MAP2K6: variants seen among roughly 807,000 people sequenced by gnomAD.
MAP2K6 encodes dual specificity mitogen-activated protein kinase kinase 6.
A neutral mutation model predicts 53.7 loss-of-function variants in MAP2K6; 16 were observed. The ratio of observed to expected loss-of-function variants is 0.30; its 90% CI spans 0.20 to 0.45. The LOEUF is 0.45. MAP2K6 is among the 20% of genes least tolerant of loss of function. MAP2K6 has a pLI of 1.00. For synonymous variants in MAP2K6, 132 were observed against 143.1 expected, an observed-to-expected ratio of 0.92 and a Z score of 0.55; for missense variants, 204 against 411.9, an observed-to-expected ratio of 0.50 and a Z score of 4.37.
intron 1 of MAP2K6, among the ~76,000 whole-genome samples, chr17:69,493,306 T>TG (rs1491191900): frequency 1.2e-4 from 13 of 106,220 alleles, no homozygotes; most frequent in South Asian, 6.8e-4. Flanking sequence ...AGTGTATGTG[T>TG]TTGTGTGTGT....
At position 69,499,243 on chromosome 17, in the gene MAP2K6, A is replaced by AGGGAG. The variant is rs1310181527; in HGVS notation, c.17-6537_17-6536insGGGAG. On this transcript the variant is annotated intron_variant, in intron 1 of 11. Coordinates refer to ENST00000590474, the MANE Select transcript of MAP2K6 (RefSeq NM_002758.4). The stretch of plus-strand genomic sequence containing the variant: ...GGAGAATGGAGCACGGAATTTGAAG[A>AGGGAG]AATAAGATGCCATCCAGGGAACATT... Among the ~76,000 whole-genome samples the AGGGAG allele has an allele frequency of 5.3e-5, 8 of 152,348 alleles. No individual in the cohort carries two copies. The East Asian group carries it at 1.5e-3, about 29-fold the overall frequency.
At chr17:69,525,293 T>C (rs925676912) in intron 9 of MAP2K6, among the ~76,000 whole-genome samples, 1 of 152,178 alleles carries the variant, frequency 6.6e-6, no homozygotes, top group African/African-American at 2.4e-5. Flanking sequence ...AGATTCCTTA[T>C]AGTTTAAAAT....
chr17:69,541,844 T>C lies in MAP2K6; in HGVS notation c.*91T>C. The C allele has an allele frequency of 3.2e-6, 3 of 948,618 alleles. No individual in the cohort carries two copies. Among genetic ancestry groups the C allele is most frequent in the Non-Finnish European group, 4.9e-6 (3 of 612,726 alleles). The allele number at this position is 948,618 out of a possible 1,614,324, so 58.8% of individuals were successfully genotyped here. On this transcript the variant is annotated 3_prime_UTR_variant, in exon 12 of 12. Coordinates refer to ENST00000590474, the MANE Select transcript of MAP2K6 (RefSeq NM_002758.4). The stretch of plus-strand genomic sequence containing the variant: ...CTACAGCATCAATAGAAAGTCATCT[T>C]TGAGATAATTTAACCCTGCCTCTCA...
At chr17:69,427,242 G>A (rs879359623) in intron 1 of MAP2K6, among the ~76,000 whole-genome samples, 13 of 152,108 alleles carry the variant, frequency 8.5e-5, no homozygotes, top group Non-Finnish European at 1.9e-4. Flanking sequence ...CCTGTTCAAT[G>A]TACTTTTGAA....
At chr17:69,486,978 C>T (rs1462802598) in intron 1 of MAP2K6, among the ~76,000 whole-genome samples, 1 of 152,104 alleles carries the variant, frequency 6.6e-6, no homozygotes. Context: ...GGGCAAAGGT[C>T]GTGGCAATTT....
Position 69,549,365 on chromosome 17 carries a change from C to T in MAP2K6, c.*7612C>T, listed in dbSNP as rs1357499699. 2 of 152,150 alleles carry T rather than the reference C, an allele frequency of 1.3e-5. No homozygotes were observed. The highest frequency in any genetic ancestry group is 2.9e-5 in the Non-Finnish European group (2 of 68,030). The allele number at this position is 152,150 out of a possible 1,614,324, so 9.4% of individuals were successfully genotyped here. A position where few individuals can be genotyped will look rare whatever the true frequency, so the allele number is the denominator to read the frequency against. On this transcript the variant is annotated 3_prime_UTR_variant, in exon 12 of 12. Coordinates refer to ENST00000590474, the MANE Select transcript of MAP2K6 (RefSeq NM_002758.4). Reference sequence around the variant, plus strand: ...GGCAAGTTTAGGCACTTACTTGTGTCTTAATGTGGGAAACAGAACTTTCTA... The same window carrying T: ...GGCAAGTTTAGGCACTTACTTGTGTTTTAATGTGGGAAACAGAACTTTCTA...
At chr17:69,465,912 C>T (rs1273183135) in intron 1 of MAP2K6, among the ~76,000 whole-genome samples, 1 of 151,174 alleles carries the variant, frequency 6.6e-6, no homozygotes, top group Non-Finnish European at 1.5e-5. Context: ...AGCCACTGCA[C>T]CCAGCCCTGG....
At chr17:69,516,088 C>T (rs960310791) in intron 2 of MAP2K6, among the ~76,000 whole-genome samples, 5 of 151,918 alleles carry the variant, frequency 3.3e-5, no homozygotes, top group South Asian at 4.2e-4. Context: ...GGGATGATTT[C>T]GGGATGATTC....
intron 1 of MAP2K6, among the ~76,000 whole-genome samples, chr17:69,438,253 G>T (rs1026391743): frequency 6.6e-6 from 1 of 152,190 alleles, no homozygotes. Flanking sequence ...TTTGATTCTG[G>T]TTTAGATGTA....
At chr17:69,458,599 C>T (rs1232834662) in intron 1 of MAP2K6, among the ~76,000 whole-genome samples, 1 of 152,208 alleles carries the variant, frequency 6.6e-6, no homozygotes, top group Non-Finnish European at 1.5e-5. Flanking sequence ...TACCCATCTA[C>T]CTTTCCAGTT....
rs547050136 is a variant in MAP2K6, at chr17:69,436,829, A to AC, written c.16+21829_16+21830insC. Among the ~76,000 whole-genome samples the AC allele has an allele frequency of 4.0e-3, 582 of 144,202 alleles. 5 individuals carry two copies. Among genetic ancestry groups the AC allele is most frequent in the African/African-American group, 0.014 (546 of 38,868 alleles). The allele number at this position is 144,202 out of a possible 152,430, so 94.6% of individuals were successfully genotyped here. ...TTTTTTCTTTTCTTTTCTTTTATTT[A>AC]TTTATTTTTTTAGACACTGTCTCAC... On this transcript the variant is annotated intron_variant, in intron 1 of 11. Transcript: ENST00000590474.
At chr17:69,485,620 T>A (rs1243769461) in intron 1 of MAP2K6, 2 of 175,868 alleles carry the variant, frequency 1.1e-5, no homozygotes, top group East Asian at 3.8e-4. Context: ...CTATACTGAG[T>A]GCCTCTCACA....
chr17:69,548,274 T>G lies in MAP2K6; in HGVS notation c.*6521T>G, dbSNP rs1209465683. ...GATTTTCTTGGGTTGCTGGCCCTAG[T>G]TGAATTTATGGGCCCTGAAGCCTCT... On this transcript the variant is annotated 3_prime_UTR_variant, in exon 12 of 12. Transcript: ENST00000590474. 6.6e-6 allele frequency: 1 copy of G among 152,116 alleles called. No homozygotes were observed. The highest frequency in any genetic ancestry group is 2.4e-5 in the African/African-American group (1 of 41,426). 9.4% of individuals were successfully genotyped at this position (152,116 alleles called of 1,614,324 possible). A position where few individuals can be genotyped will look rare whatever the true frequency, so the allele number is the denominator to read the frequency against.
rs919529735 is a variant in MAP2K6 at position 69,545,113 on chromosome 17, T to C, written c.*3360T>C. 20 of 152,196 alleles carry C rather than the reference T, an allele frequency of 1.3e-4. 2 individuals carry two copies. The highest frequency in any genetic ancestry group is 1.3e-3 in the Admixed American group (20 of 15,282). The allele number at this position is 152,196 out of a possible 1,614,324, so 9.4% of individuals were successfully genotyped here. On this transcript the variant is annotated 3_prime_UTR_variant, in exon 12 of 12. Transcript: ENST00000590474. ...TGACTCTTTGTAAAACGCCATGTCA[T>C]GGGCTCTGAAGATAATTTCAAATGA...
rs1384300401 is a variant in MAP2K6, at chr17:69,543,080, C to T, written c.*1327C>T. On this transcript the variant is annotated 3_prime_UTR_variant, in exon 12 of 12. Transcript: ENST00000590474. Reference sequence around the variant, plus strand: ...GTTGACTAAACAGCAAAAGTTCTTTCTCGTGGGTAAATATACCCACAGGTT... The same window carrying T: ...GTTGACTAAACAGCAAAAGTTCTTTTTCGTGGGTAAATATACCCACAGGTT... The T allele has an allele frequency of 6.6e-6, 1 of 152,114 alleles. No homozygotes were observed. Among genetic ancestry groups the T allele is most frequent in the African/African-American group, 2.4e-5 (1 of 41,430 alleles). 9.4% of individuals were successfully genotyped at this position (152,114 alleles called of 1,614,324 possible).
chr17:69,482,716 C>T (rs905757333), intron 1 of MAP2K6, among the ~76,000 whole-genome samples: 5 of 151,984 alleles, frequency 3.3e-5, no homozygotes, highest in Non-Finnish European at 7.4e-5. Context: ...TTATTACAGA[C>T]AATACTGTGT....
chr17:69,526,454 A>C (rs562871493), intron 9 of MAP2K6, 116 bp from the exon 10 acceptor site: 2 of 1,089,160 alleles, frequency 1.8e-6, no homozygotes, highest in South Asian at 3.0e-5. Context: ...CTACCCCTGG[A>C]CTTATACTTG....
At chr17:69,478,769 C>T (rs568985574) in intron 1 of MAP2K6, among the ~76,000 whole-genome samples, 6 of 152,202 alleles carry the variant, frequency 3.9e-5, no homozygotes, top group African/African-American at 1.4e-4. Context: ...CCCGTGCTAA[C>T]TAACGTATAG....
intron 1 of MAP2K6, among the ~76,000 whole-genome samples, chr17:69,470,611 G>T (rs1006106690): frequency 4.6e-5 from 7 of 152,244 alleles, no homozygotes; most frequent in Non-Finnish European, 8.8e-5. Context: ...GATAAGTGAA[G>T]TGCCATCTCA....
Sources: allele counts gnomAD v4.1 joint callset (sites outside exome capture counted in the v4.1 genomes callset), GRCh38; gene constraint gnomAD v4.1.1; transcripts MANE v1.5; gene names NCBI Gene and HGNC (gene_info 2026-07-23, HGNC 2026-07-21).